ARHGEF3: variants seen among roughly 807,000 people sequenced by gnomAD.
ARHGEF3 encodes Rho guanine nucleotide exchange factor 3, also known as 59.8 kDA protein.
ARHGEF3 carries 28 observed loss-of-function variants against 63.2 expected under a neutral mutation model. The observed-to-expected ratio is 0.44, with a 90% CI of 0.33 to 0.61. The LOEUF is 0.61. ARHGEF3 is among the 20% of genes least tolerant of loss of function. ARHGEF3 has a pLI of 0.03. For missense variants in ARHGEF3, 533 were observed against 659.3 expected (o/e 0.81, Z 2.10); for synonymous variants, 266 against 254.2 (o/e 1.05, Z -0.44).
intron 4 of ARHGEF3, among the ~76,000 whole-genome samples, chr3:56,830,650 C>T (rs2038901531): frequency 6.6e-6 from 1 of 152,164 alleles, no homozygotes; most frequent in Non-Finnish European, 1.5e-5. Context: ...TGGATGAGGC[C>T]CTGCGGGATC....
intron 3 of ARHGEF3, among the ~76,000 whole-genome samples, chr3:56,933,782 T>C (rs1315627059): frequency 6.6e-6 from 1 of 152,218 alleles, no homozygotes; most frequent in Non-Finnish European, 1.5e-5. Flanking sequence ...GGGATTGATA[T>C]GGTCTGACTC....
chr3:57,054,643 A>ATT (rs544195887), intron 1 of ARHGEF3, among the ~76,000 whole-genome samples: 14 of 121,120 alleles, frequency 1.2e-4, no homozygotes, highest in East Asian at 2.4e-4. Context: ...CATCTCAAAA[A>ATT]TTTTTTTTTT....
intron 1 of ARHGEF3, among the ~76,000 whole-genome samples, chr3:57,071,659 CAA>C (rs34281617): frequency 1.1e-3 from 136 of 124,882 alleles, no homozygotes; most frequent in Middle Eastern, 4.4e-3. Context: ...AACTCCATCT[CAA>C]AAAAAAAAAA....
At chr3:56,767,110 G>C (rs966162728) in intron 2 of ARHGEF3, among the ~76,000 whole-genome samples, 1 of 148,450 alleles carries the variant, frequency 6.7e-6, no homozygotes, top group African/African-American at 2.5e-5. Context: ...AGGAGTTTGA[G>C]ACCAGTCTGG....
chr3:56,995,674 T>C lies in ARHGEF3; in HGVS notation c.63-36785A>G, dbSNP rs571218499. On this transcript the variant is annotated intron_variant, in intron 2 of 12. Coordinates refer to the ARHGEF3 transcript ENST00000338458. Reference sequence around the variant, plus strand: ...GAGAGAGAGAGAGAGAGAGAGAGAATTTTTTTTAACCTGGTCTCAATTTGA... The same window carrying C: ...GAGAGAGAGAGAGAGAGAGAGAGAACTTTTTTTAACCTGGTCTCAATTTGA... 3.1e-4 allele frequency among the ~76,000 whole-genome samples: 33 copies of C among 105,616 alleles called. No individual in the cohort carries two copies. In the South Asian group the frequency reaches 9.0e-3, roughly 29 times the overall value. The allele number at this position is 105,616 out of a possible 152,430, so 69.3% of individuals were successfully genotyped here. A position where few individuals can be genotyped will look rare whatever the true frequency, so the allele number is the denominator to read the frequency against.
At chr3:56,915,972 G>C (rs1323479785) in intron 3 of ARHGEF3, among the ~76,000 whole-genome samples, 1 of 152,148 alleles carries the variant, frequency 6.6e-6, no homozygotes, top group African/African-American at 2.4e-5. Flanking sequence ...GCATTGCACA[G>C]CAGAGCGTGA....
At chr3:56,881,143 A>AT (rs562590644) in intron 4 of ARHGEF3, among the ~76,000 whole-genome samples, 76 of 152,166 alleles carry the variant, frequency 5.0e-4, no homozygotes, top group Non-Finnish European at 8.8e-4. Context: ...GATCCCAAAC[A>AT]TTTTTTCTTT....
chr3:57,005,929 A>G (rs1020495934), intron 2 of ARHGEF3, among the ~76,000 whole-genome samples: 1 of 152,178 alleles, frequency 6.6e-6, no homozygotes, highest in African/African-American at 2.4e-5. Flanking sequence ...ATAAATCAAT[A>G]TTATTTCTTG....
chr3:57,014,095 G>T (rs906981962), intron 2 of ARHGEF3, among the ~76,000 whole-genome samples: 1 of 152,114 alleles, frequency 6.6e-6, no homozygotes, highest in African/African-American at 2.4e-5. Context: ...CCCGCCAGGA[G>T]GAACGAACAA....
intron 4 of ARHGEF3, among the ~76,000 whole-genome samples, chr3:56,831,023 C>T (rs888896963): frequency 2.0e-5 from 3 of 152,204 alleles, no homozygotes; most frequent in Non-Finnish European, 4.4e-5. Flanking sequence ...CATCTCCCCA[C>T]CTAGGCTACA....
chr3:57,008,972 C>T (rs1450795605), intron 2 of ARHGEF3, among the ~76,000 whole-genome samples: 1 of 152,218 alleles, frequency 6.6e-6, no homozygotes, highest in African/African-American at 2.4e-5. Flanking sequence ...CATTAAGATT[C>T]CAATTTCTAC....
intron 2 of ARHGEF3, among the ~76,000 whole-genome samples, chr3:57,006,536 C>T (rs913694731): frequency 3.9e-5 from 6 of 152,270 alleles, no homozygotes; most frequent in East Asian, 3.9e-4. Flanking sequence ...AGGCAGCATC[C>T]GGGGTGATCA....
intron 2 of ARHGEF3, among the ~76,000 whole-genome samples, chr3:56,971,063 C>G (rs1700887915): frequency 6.6e-6 from 1 of 152,154 alleles, no homozygotes; most frequent in Admixed American, 6.5e-5. Context: ...CAGGGACTAT[C>G]TGGTTTAGAC....
intron 2 of ARHGEF3, among the ~76,000 whole-genome samples, chr3:56,767,229 G>A (rs939154756): frequency 4.6e-5 from 7 of 151,692 alleles, no homozygotes; most frequent in African/African-American, 1.7e-4. Context: ...ATTTTATACC[G>A]TTAAGACCAA....
At chr3:56,910,519 T>C (rs983057460) in intron 3 of ARHGEF3, among the ~76,000 whole-genome samples, 2 of 152,212 alleles carry the variant, frequency 1.3e-5, no homozygotes, top group African/African-American at 4.8e-5. Flanking sequence ...AATAGACCTG[T>C]ATATATTTAT....
rs1285788148 is a variant in ARHGEF3, at chr3:56,967,947, TATTA to T, written c.63-9062_63-9059del. 4.5e-3 allele frequency among the ~76,000 whole-genome samples: 300 copies of T among 66,452 alleles called. 7 individuals carry two copies. The highest frequency in any genetic ancestry group is 0.017 in the African/African-American group (291 of 17,086). 43.6% of individuals were successfully genotyped at this position (66,452 alleles called of 152,430 possible). On this transcript the variant is annotated intron_variant, in intron 2 of 12. Transcript: ENST00000338458. ...TATATATAATATAAAATATATTATA[TATTA>T]TATATATAAAATATATTTTATATTA... is the stretch of plus-strand genomic sequence containing the variant.
intron 2 of ARHGEF3, among the ~76,000 whole-genome samples, chr3:56,983,934 C>A (rs1172812100): frequency 1.8e-5 from 1 of 54,476 alleles, no homozygotes; most frequent in Non-Finnish European, 4.1e-5. Context: ...GACTCCGTCT[C>A]GAGAAAAAAA....
intron 3 of ARHGEF3, among the ~76,000 whole-genome samples, chr3:56,931,648 T>C (rs1202475797): frequency 2.6e-5 from 4 of 151,308 alleles, no homozygotes; most frequent in Non-Finnish European, 5.9e-5. Flanking sequence ...AATCTGTAGT[T>C]ATCTGAGTTT....
intron 4 of ARHGEF3, among the ~76,000 whole-genome samples, chr3:56,824,581 T>C (rs1578610494): frequency 6.6e-6 from 1 of 152,218 alleles, no homozygotes; most frequent in Middle Eastern, 3.2e-3. Context: ...CTTAAAAGCC[T>C]AGCCTTTGAA....
Sources: allele counts gnomAD v4.1 joint callset (sites outside exome capture counted in the v4.1 genomes callset), GRCh38; gene constraint gnomAD v4.1.1; transcripts MANE v1.5; gene names NCBI Gene and HGNC (gene_info 2026-07-23, HGNC 2026-07-21).